EPB41L4A: variants seen among roughly 807,000 people sequenced by gnomAD.
EPB41L4A encodes the protein erythrocyte membrane protein band 4.1 like 4A, also known as band 4.1-like protein 4A.
A neutral mutation model predicts 108.6 loss-of-function variants in EPB41L4A; 100 were observed. That is an observed-to-expected ratio of 0.92 (90% confidence interval 0.78 to 1.09). The LOEUF is 1.09. EPB41L4A is among the 50% of genes least tolerant of loss of function. The pLI, the probability that EPB41L4A is intolerant of heterozygous loss-of-function variation, is 0.00. For missense variants in EPB41L4A, 1,030 were observed against 842.7 expected, an observed-to-expected ratio of 1.22 and a Z score of -2.75; for synonymous variants, 319 against 289.0, an observed-to-expected ratio of 1.10 and a Z score of -1.05.
At chr5:112,300,033 G>A (rs1273421309) in intron 2 of EPB41L4A, among the ~76,000 whole-genome samples, 1 of 152,050 alleles carries the variant, frequency 6.6e-6, no homozygotes, top group Non-Finnish European at 1.5e-5. Context: ...GTTTATGTGA[G>A]TCCTTATATG....
chr5:112,342,492 C>T (rs1365339660), intron 1 of EPB41L4A, among the ~76,000 whole-genome samples: 2 of 152,166 alleles, frequency 1.3e-5, no homozygotes, highest in African/African-American at 2.4e-5. Context: ...GCAAAAGCAC[C>T]AGGCACATTT....
intron 1 of EPB41L4A, chr5:112,392,878 A>T (rs1291826855): frequency 6.6e-6 from 1 of 152,230 alleles, no homozygotes; most frequent in Non-Finnish European, 1.5e-5. Context: ...TACAGAAATC[A>T]CAACAAACTG....
In EPB41L4A at chr5:112,259,871, TG is replaced by T. The variant is rs780636332; in HGVS notation, c.731+19del. 190 of 1,594,304 alleles carry T rather than the reference TG, an allele frequency of 1.2e-4. 2 individuals are homozygous for T. In the African/African-American group the frequency reaches 2.3e-3, roughly 20 times the overall value. On this transcript the variant is annotated intron_variant, in intron 8 of 22. Transcript: ENST00000261486. ...AGCCCAAAACATAGAATGCCAACTC[TG>T]TTCTCAAGCCATACCTACCAGAAAT... is the stretch of plus-strand genomic sequence containing the variant.
At chr5:112,243,282 T>TCTATGTATATATACACACACACAC (rs1749942281) in intron 9 of EPB41L4A, among the ~76,000 whole-genome samples, 1 of 131,082 alleles carries the variant, frequency 7.6e-6, no homozygotes, top group Non-Finnish European at 1.8e-5. Flanking sequence ...TGTGTATATA[T>TCTATGTATATATACACACACACAC]ATATATATAT....
chr5:112,228,700 C>G, intron 12 of EPB41L4A: 2 of 985,352 alleles, frequency 2.0e-6, no homozygotes, highest in Non-Finnish European at 2.4e-6. Flanking sequence ...TGACAGGAAT[C>G]CAACTGTGTG....
intron 12 of EPB41L4A, among the ~76,000 whole-genome samples, chr5:112,229,408 T>G (rs1182582059): frequency 6.6e-6 from 1 of 152,132 alleles, no homozygotes; most frequent in Non-Finnish European, 1.5e-5. Flanking sequence ...TTTTATTTAT[T>G]TATTTATTAT....
chr5:112,307,335 T>G (rs750936084), intron 2 of EPB41L4A, 51 bp downstream of exon 2: 3 of 1,205,246 alleles, frequency 2.5e-6, no homozygotes, highest in Non-Finnish European at 3.7e-6. Flanking sequence ...AAGCCAGAGA[T>G]AGAGTGAAAT....
chr5:112,359,256 CT>C (rs1186514530), intron 1 of EPB41L4A, among the ~76,000 whole-genome samples: 1 of 152,140 alleles, frequency 6.6e-6, no homozygotes, highest in Non-Finnish European at 1.5e-5. Context: ...GGTGTGTTTT[CT>C]TTCCCAATTT....
intron 1 of EPB41L4A, among the ~76,000 whole-genome samples, chr5:112,367,851 G>GGCTGAACAAACTGAACTCAGTACCTA (rs2112523716): frequency 6.7e-6 from 1 of 148,712 alleles, no homozygotes; most frequent in African/African-American, 2.6e-5. Context: ...CTCAGTACCC[G>GGCTGAACAAACTGAACTCAGTACCTA]GCTGAACAAA....
At chr5:112,169,397 C>A (rs758635028) in intron 20 of EPB41L4A, among the ~76,000 whole-genome samples, 18 of 152,116 alleles carry the variant, frequency 1.2e-4, no homozygotes, top group African/African-American at 4.3e-4. Flanking sequence ...CCGTGGAATT[C>A]TTCTTAGTAG....
intron 2 of EPB41L4A, among the ~76,000 whole-genome samples, chr5:112,284,982 C>T (rs115635585): frequency 2.3e-3 from 348 of 152,266 alleles, no homozygotes; most frequent in African/African-American, 8.0e-3. Flanking sequence ...CAATCAATAT[C>T]CTAATCTTCA....
intron 1 of EPB41L4A, among the ~76,000 whole-genome samples, chr5:112,339,516 A>ATC (rs1561585453): frequency 1.2e-4 from 5 of 41,006 alleles, no homozygotes; most frequent in African/African-American, 1.9e-4. Flanking sequence ...ATATAGATAT[A>ATC]TAGATATATA....
At chr5:112,294,659 G>A (rs1753878685) in intron 2 of EPB41L4A, among the ~76,000 whole-genome samples, 1 of 152,060 alleles carries the variant, frequency 6.6e-6, no homozygotes, top group Non-Finnish European at 1.5e-5. Context: ...CAAGAAGGGT[G>A]TTCAGGCAGG....
intron 1 of EPB41L4A, among the ~76,000 whole-genome samples, chr5:112,395,058 C>G (rs1215969751): frequency 6.6e-6 from 1 of 152,196 alleles, no homozygotes; most frequent in African/African-American, 2.4e-5. Context: ...AAAGTTGAAA[C>G]TGGATCCCTT....
intron 11 of EPB41L4A, among the ~76,000 whole-genome samples, chr5:112,238,168 A>C (rs1192235592): frequency 6.6e-6 from 1 of 152,172 alleles, no homozygotes; most frequent in Non-Finnish European, 1.5e-5. Context: ...GGACAAGGAG[A>C]CATTCTCTCT....
chr5:112,314,928 AGGAC>A (rs1755335223), intron 1 of EPB41L4A, among the ~76,000 whole-genome samples: 1 of 152,252 alleles, frequency 6.6e-6, no homozygotes, highest in Admixed American at 6.5e-5. Flanking sequence ...AACATGCCCA[AGGAC>A]TTTCTGAAAT....
intron 2 of EPB41L4A, among the ~76,000 whole-genome samples, chr5:112,305,458 G>A (rs1037638481): frequency 3.3e-5 from 5 of 151,962 alleles, no homozygotes; most frequent in African/African-American, 1.2e-4. Context: ...CTTCTAAATG[G>A]GAAACCATAT....
intron 12 of EPB41L4A, among the ~76,000 whole-genome samples, chr5:112,218,865 C>T (rs1307656222): frequency 3.3e-5 from 5 of 151,960 alleles, no homozygotes; most frequent in Non-Finnish European, 1.5e-5. Flanking sequence ...CAAAATGATA[C>T]CTAAAATTTT....
intron 12 of EPB41L4A, among the ~76,000 whole-genome samples, chr5:112,147,298 A>G (rs1481275622): frequency 6.6e-6 from 1 of 152,190 alleles, no homozygotes; most frequent in Non-Finnish European, 1.5e-5. Flanking sequence ...GACAAACCAC[A>G]CCTTATTTAA....
Sources: allele counts gnomAD v4.1 joint callset (sites outside exome capture counted in the v4.1 genomes callset), GRCh38; gene constraint gnomAD v4.1.1; transcripts MANE v1.5; gene names NCBI Gene and HGNC (gene_info 2026-07-23, HGNC 2026-07-21).